IQSEC3: variants seen among roughly 807,000 people sequenced by gnomAD.
The protein encoded by IQSEC3 is IQ motif and Sec7 domain ArfGEF 3.
Under a neutral mutation model 105.4 loss-of-function variants are expected in IQSEC3, and 50 were observed. That is an observed-to-expected ratio of 0.47 (90% CI 0.38 to 0.60). The LOEUF (loss-of-function observed/expected upper bound fraction) is 0.60. Among genes scored for constraint, IQSEC3 ranks in the 20% least tolerant of loss-of-function variants. The pLI is 0.00. For missense variants in IQSEC3, 1,415 were observed against 1,630.0 expected (o/e 0.87, Z 2.27); for synonymous variants, 708 against 746.0 (o/e 0.95, Z 0.83).
chr12:164,056 A>C (rs1555097397), intron 9 of IQSEC3, among the ~76,000 whole-genome samples: 1 of 152,216 alleles, frequency 6.6e-6, no homozygotes, highest in African/African-American at 2.4e-5. Flanking sequence ...ACATACACAC[A>C]TCTGTACCCA....
In IQSEC3 at chr12:138,305, G is replaced by A; in HGVS notation, c.942G>A (p.Val314=). ...MLEHKYGGHL[V]SRRAACTIQT... is the part of the protein sequence containing the mutation. ...AACATAAGTACGGCGGTCACCTGGT[G>A]TCCCGGCGCGCCGCTTGCACCATCC... is the stretch of plus-strand genomic sequence containing the variant. The change falls in exon 4 of 14, where the codon GTG becomes GTA. Residue 314 remains valine (V), a synonymous_variant. Transcript: ENST00000538872. This position sits in a 1 kb window ranked among gnomAD's most constrained non-coding sequence, Gnocchi z 7.1. 6.2e-7 allele frequency: 1 copy of A among 1,613,880 alleles called. No homozygotes were observed. The highest frequency in any genetic ancestry group is 8.5e-7 in the Non-Finnish European group (1 of 1,179,922).
chr12:139,042 G>C lies in IQSEC3; in HGVS notation c.1679G>C (p.Ser560Thr), dbSNP rs1865903348. ...AEDSCAEAAA[S>T]GAADGATAPK... ...GACTCATGCGCAGAGGCTGCGGCTA[G>C]TGGGGCGGCGGATGGGGCCACAGCC... Residue 560 changes from serine (S) to threonine (T), a missense_variant, in exon 4 of 14, where the codon AGT becomes ACT. This residue lies in a region of IQSEC3 where 720 missense variants were observed against 633.0 expected (regional missense o/e 1.14). Coordinates refer to ENST00000538872, the MANE Select transcript of IQSEC3 (RefSeq NM_001170738.2). 6.7e-7 allele frequency: 1 copy of C among 1,487,014 alleles called. No homozygotes were observed. Among genetic ancestry groups the C allele is most frequent in the African/African-American group, 1.4e-5 (1 of 71,352 alleles). 92.1% of individuals were successfully genotyped at this position (1,487,014 alleles called of 1,614,324 possible).
chr12:170,594 G>A (rs1318354330), intron 12 of IQSEC3, among the ~76,000 whole-genome samples: 1 of 152,248 alleles, frequency 6.6e-6, no homozygotes, highest in East Asian at 1.9e-4. Flanking sequence ...CAGGGCCCCT[G>A]CTGCTGTGCC....
At chr12:129,820 C>A (rs1865530552) in intron 3 of IQSEC3, among the ~76,000 whole-genome samples, 1 of 152,136 alleles carries the variant, frequency 6.6e-6, no homozygotes. Flanking sequence ...GGAGAGCAGC[C>A]CCTCCCCACA....
At chr12:69,965 C>A (rs1405108484) in intron 1 of IQSEC3, among the ~76,000 whole-genome samples, 2 of 152,270 alleles carry the variant, frequency 1.3e-5, no homozygotes, top group African/African-American at 4.8e-5. Flanking sequence ...AGCCAGCAGC[C>A]CCCTCCCTGG....
chr12:144,555 TC>T, intron 5 of IQSEC3: 1 of 152,150 alleles, frequency 6.6e-6, no homozygotes, highest in East Asian at 1.9e-4. Flanking sequence ...AGGGTGTGCT[TC>T]CCAACCGTCA....
intron 1 of IQSEC3, among the ~76,000 whole-genome samples, chr12:89,561 A>G (rs1864019030): frequency 6.6e-6 from 1 of 152,248 alleles, no homozygotes; most frequent in Non-Finnish European, 1.5e-5. Flanking sequence ...CAGTCAAGAT[A>G]CAAACATTTT....
Position 173,133 on chromosome 12 carries a change from C to T in IQSEC3, c.3115-1466C>T, listed in dbSNP as rs114906396. Among the ~76,000 whole-genome samples the T allele has an allele frequency of 4.8e-3, 732 of 152,264 alleles. 10 individuals are homozygous for T. Among genetic ancestry groups the T allele is most frequent in the African/African-American group, 0.016 (670 of 41,552 alleles). ...GGGGAGAGGAGCCCGTGCCCTCCAGCGGCTTCTGCCTGAGTGAGGGTCCTG... is the reference window on the plus strand; with the variant it reads ...GGGGAGAGGAGCCCGTGCCCTCCAGTGGCTTCTGCCTGAGTGAGGGTCCTG... On this transcript the variant is annotated intron_variant, in intron 13 of 13. Coordinates refer to ENST00000538872, the MANE Select transcript of IQSEC3 (RefSeq NM_001170738.2).
At chr12:90,771 T>C (rs1294722321) in intron 1 of IQSEC3, among the ~76,000 whole-genome samples, 1 of 152,228 alleles carries the variant, frequency 6.6e-6, no homozygotes, top group African/African-American at 2.4e-5. Context: ...AACTTGTTCT[T>C]GTTTTTCAAA....
At chr12:153,289 G>A (rs1465316652) in intron 5 of IQSEC3, among the ~76,000 whole-genome samples, 2 of 152,094 alleles carry the variant, frequency 1.3e-5, no homozygotes, top group Admixed American at 6.5e-5. Context: ...CATCAGGAAC[G>A]CAAACAGTGA....
intron 5 of IQSEC3, among the ~76,000 whole-genome samples, chr12:151,547 C>G (rs761311641): frequency 7.2e-5 from 11 of 152,220 alleles, no homozygotes; most frequent in Non-Finnish European, 1.5e-4. Flanking sequence ...TGTCTTCTTC[C>G]CTGCCCCTCT....
At chr12:125,600 C>T in intron 2 of IQSEC3, 33 bp from the exon 3 acceptor site, 1 of 1,469,300 alleles carries the variant, frequency 6.8e-7, no homozygotes, top group Non-Finnish European at 8.9e-7. Context: ...TCGCCCTCTC[C>T]CCCAACCGAG....
At chr12:131,013 C>T (rs1349238169) in intron 3 of IQSEC3, among the ~76,000 whole-genome samples, 7 of 50,772 alleles carry the variant, frequency 1.4e-4, no homozygotes, top group East Asian at 7.2e-4. Flanking sequence ...CCCCAGCTAG[C>T]GGCTCTTCCT....
chr12:107,449 G>C (rs1196342884), intron 2 of IQSEC3, among the ~76,000 whole-genome samples: 3 of 131,798 alleles, frequency 2.3e-5, no homozygotes, highest in African/African-American at 8.7e-5. Context: ...TTGCTCTGTG[G>C]CTCAGGCTGG....
rs1555087058 is a variant in IQSEC3 at position 138,314 on chromosome 12, C to T, written c.951C>T (p.Arg317=). The T allele has an allele frequency of 4.3e-6, 7 of 1,613,898 alleles. No homozygotes were observed. The highest frequency in any genetic ancestry group is 2.2e-5 in the East Asian group (1 of 44,866). Residue 317 remains arginine, a synonymous_variant, in exon 4 of 14, where the codon CGC becomes CGT. Transcript: ENST00000538872. This position sits in a 1 kb window ranked among gnomAD's most constrained non-coding sequence, Gnocchi z 7.1. ...HKYGGHLVSR[R]AACTIQTAFR... ...ACGGCGGTCACCTGGTGTCCCGGCG[C>T]GCCGCTTGCACCATCCAAACCGCCT...
chr12:71,437 T>G (rs1433475012), intron 1 of IQSEC3, among the ~76,000 whole-genome samples: 1 of 152,282 alleles, frequency 6.6e-6, no homozygotes, highest in Non-Finnish European at 1.5e-5. Context: ...AGTGTAAGTA[T>G]ATTGCAGCTG....
At position 178,339 on chromosome 12, in the gene IQSEC3, G is replaced by T. The variant is rs1939301093; in HGVS notation, c.*3306G>T. 1 of 152,234 alleles carries T rather than the reference G, an allele frequency of 6.6e-6. No homozygotes were observed. Among genetic ancestry groups the T allele is most frequent in the South Asian group, 2.1e-4 (1 of 4,826 alleles). The allele number at this position is 152,234 out of a possible 1,614,324, so 9.4% of individuals were successfully genotyped here. A position where few individuals can be genotyped will look rare whatever the true frequency, so the allele number is the denominator to read the frequency against. ...AGAAACCTCTCTAGGGAAAGGCAGG[G>T]TGGCTGCACCCAGCAACTAATCCAA... On this transcript the variant is annotated 3_prime_UTR_variant, in exon 14 of 14. Transcript: ENST00000538872.
chr12:167,051 A>G (rs945344723), intron 11 of IQSEC3: 2 of 152,234 alleles, frequency 1.3e-5, no homozygotes, highest in African/African-American at 4.8e-5. Context: ...AATGGGATCC[A>G]TCGGACTGGA....
chr12:163,756 T>C (rs149523393), intron 9 of IQSEC3, 137 bp downstream of exon 9: 1 of 717,670 alleles, frequency 1.4e-6, no homozygotes, highest in African/African-American at 1.8e-5. Context: ...GTGGGACGGA[T>C]CTGCCTTCAT....
Sources: allele counts gnomAD v4.1 joint callset (sites outside exome capture counted in the v4.1 genomes callset), GRCh38; gene constraint gnomAD v4.1.1; regional missense constraint gnomAD v4.1.1; non-coding constraint Gnocchi (gnomAD v3.1); transcripts MANE v1.5; gene names NCBI Gene and HGNC (gene_info 2026-07-23, HGNC 2026-07-21).